Variants in ZAN observed in about 807,000 individuals in gnomAD.
ZAN encodes the protein zonadhesin.
In ZAN, 260 loss-of-function variants were observed where a neutral mutation model predicts 286.2. That is an observed-to-expected ratio of 0.91 (90% confidence interval 0.82 to 1.01). The LOEUF (loss-of-function observed/expected upper bound fraction) is 1.01. Among genes scored for constraint, ZAN ranks in the 50% least tolerant of loss-of-function variants. The pLI, the probability that ZAN is intolerant of heterozygous loss-of-function variation, is 0.00. For synonymous variants in ZAN, 1,368 were observed against 1,417.5 expected, an observed-to-expected ratio of 0.97 and a Z score of 0.79; for missense variants, 3,410 against 3,639.2, an observed-to-expected ratio of 0.94 and a Z score of 1.62.
At position 100,793,908 on chromosome 7, in the gene ZAN, C is replaced by T. The variant is rs1273049166; in HGVS notation, c.7876C>T (p.Arg2626Ter). Residue 2626 changes from arginine to a stop codon, truncating the protein, a stop_gained, in exon 43 of 48, where the codon CGA becomes TGA. Transcript: ENST00000613979. LOFTEE classifies it high-confidence loss of function. ...LCQPGRPRGL[R>*]GPLRGRLRQH... ...CCAACCTGGCAGACCCCGGGGACTG[C>T]GAGGGCCCCTGCGTGGAAGGCTGCG... 4.3e-6 allele frequency: 7 copies of T among 1,613,944 alleles called. No individual in the cohort carries two copies. Among genetic ancestry groups the T allele is most frequent in the Admixed American group, 1.7e-5 (1 of 60,002 alleles).
Position 100,738,774 on chromosome 7 carries a change from C to T in ZAN, c.766+161C>T, listed in dbSNP as rs1421107069. Among the ~76,000 whole-genome samples the T allele has an allele frequency of 5.1e-5, 7 of 138,228 alleles. 2 individuals are homozygous for T. The highest frequency in any genetic ancestry group is 5.1e-4 in the Admixed American group (7 of 13,856). The allele number at this position is 138,228 out of a possible 152,430, so 90.7% of individuals were successfully genotyped here. A position where few individuals can be genotyped will look rare whatever the true frequency, so the allele number is the denominator to read the frequency against. On this transcript the variant is annotated intron_variant, in intron 7 of 47. Coordinates refer to ENST00000613979, the MANE Select transcript of ZAN (RefSeq NM_003386.3). ...TTTCAAGCACCCAGCCAGCCTCCCC[C>T]ACCACCGCCCTACAAGCTCTACCTG...
At position 100,797,781 on chromosome 7, in the gene ZAN, T is replaced by C. The variant is rs75436413; in HGVS notation, c.*49T>C. On this transcript the variant is annotated 3_prime_UTR_variant, in exon 48 of 48. Coordinates refer to ENST00000613979, the MANE Select transcript of ZAN (RefSeq NM_003386.3). ...CAGACAAGAAGATTAAATAAATTTATATATTTATTTATTTGAGACAGGGTC... is the reference window on the plus strand; with the variant it reads ...CAGACAAGAAGATTAAATAAATTTACATATTTATTTATTTGAGACAGGGTC... The C allele has an allele frequency of 1.8e-3, 2,864 of 1,583,596 alleles. 56 individuals carry two copies. The African/African-American group carries it at 0.033, about 18-fold the overall frequency.
At position 100,752,627 on chromosome 7, in the gene ZAN, A is replaced by G; in HGVS notation, c.2522A>G (p.Glu841Gly). The G allele has an allele frequency of 1.2e-6, 2 of 1,611,854 alleles. No homozygotes were observed. The change falls in exon 14 of 48, where the codon GAA becomes GGA. Residue 841 changes from glutamate (E) to glycine (G), a missense_variant. Around this residue, in one of 7 missense-constraint regions of ZAN, gnomAD observed 90 missense variants for 87.1 expected, o/e 1.03. Transcript: ENST00000613979. Reference sequence around the variant, plus strand: ...GTTGAAGAGACTACCATCTCTACAGAAAAACTCACCATCCCCATGGAAAAA... The same window carrying G: ...GTTGAAGAGACTACCATCTCTACAGGAAAACTCACCATCCCCATGGAAAAA... ...TSVEETTIST[E>G]KLTIPMEKPT...
Position 100,748,199 on chromosome 7 carries a change from C to G in ZAN, c.1086C>G (p.Ser362Arg). ...PEPAVAVDATSIAPCGEGFPQ... is the reference protein window; with the variant it reads ...PEPAVAVDATRIAPCGEGFPQ... ...CAGCTGTGGCAGTTGATGCAACCAG[C>G]ATTGCTCCTTGTGGGGGTGAGAGCA... Residue 362 changes from serine (S) to arginine (R), a missense_variant, in exon 10 of 48, where the codon AGC (serine) becomes AGG (arginine). Coordinates refer to ENST00000613979, the MANE Select transcript of ZAN (RefSeq NM_003386.3). 6.2e-7 allele frequency: 1 copy of G among 1,613,868 alleles called. No homozygotes were observed. Among genetic ancestry groups the G allele is most frequent in the Non-Finnish European group, 8.5e-7 (1 of 1,179,874 alleles).
chr7:100,758,558 G>A lies in ZAN; in HGVS notation c.3479G>A (p.Gly1160Glu), dbSNP rs1441800391. The change falls in exon 17 of 48, where the codon GGA (glycine) becomes GAA (glutamate). Residue 1160 changes from glycine (G) to glutamate (E), a missense_variant. Around this residue, in one of 7 missense-constraint regions of ZAN, gnomAD observed 1,042 missense variants for 1,058.0 expected, o/e 0.98. Transcript: ENST00000613979. ...GGCACTGCCACCTGCTTGGTCTACG[G>A]AGACCCTCATTATGTCACCTTTGAC... ...YAGTATCLVY[G>E]DPHYVTFDGR... 6.4e-7 allele frequency: 1 copy of A among 1,563,946 alleles called. No homozygotes were observed. Among genetic ancestry groups the A allele is most frequent in the Non-Finnish European group, 8.7e-7 (1 of 1,154,102 alleles).
In ZAN at chr7:100,775,692, C is replaced by T. The variant is rs775524794; in HGVS notation, c.6051C>T (p.Leu2017=). Residue 2017 remains leucine, a synonymous_variant, in exon 33 of 48, where the codon CTC becomes CTT. Coordinates refer to ENST00000613979, the MANE Select transcript of ZAN (RefSeq NM_003386.3). ...RVLINSKQVT[L]PAISQIPGVS... is the part of the protein sequence containing the mutation. ...AGATCAACAGCAAACAGGTCACCCTCCCCGCCATCTCCCAGATCCCTGGGG... is the reference window on the plus strand; with the variant it reads ...AGATCAACAGCAAACAGGTCACCCTTCCCGCCATCTCCCAGATCCCTGGGG... 12 of 1,613,830 alleles carry T rather than the reference C, an allele frequency of 7.4e-6. No homozygotes were observed. In the South Asian group the frequency reaches 7.7e-5, roughly 10 times the overall value.
chr7:100,766,932 C>T (rs1237162260), intron 24 of ZAN, 78 bp from the exon 25 acceptor site: 4 of 1,583,316 alleles, frequency 2.5e-6, no homozygotes, highest in Non-Finnish European at 2.6e-6. Context: ...AATGTGGGCT[C>T]TCCAGGATGG....
chr7:100,772,774 TCA>T (rs1192332344), intron 29 of ZAN, among the ~76,000 whole-genome samples: 2 of 150,378 alleles, frequency 1.3e-5, no homozygotes, highest in Non-Finnish European at 2.9e-5. Flanking sequence ...TGACCCAAGA[TCA>T]TGCCACTGCA....
rs114969842 is a variant in ZAN, at chr7:100,767,635, C to T, written c.4861-196C>T. On this transcript the variant is annotated intron_variant, in intron 25 of 47. Coordinates refer to ENST00000613979, the MANE Select transcript of ZAN (RefSeq NM_003386.3). The stretch of plus-strand genomic sequence containing the variant: ...CAACTATAGGCATGCACCACCTGCA[C>T]GGCTAATTTTTTTTTTCACTTTTTG... Among the ~76,000 whole-genome samples, 784 of 151,058 alleles carry T rather than the reference C, an allele frequency of 5.2e-3. 7 individuals are homozygous for T. The highest frequency in any genetic ancestry group is 0.018 in the African/African-American group (732 of 41,302).
chr7:100,759,926 C>T, intron 18 of ZAN, 81 bp downstream of exon 18: 1 of 1,515,806 alleles, frequency 6.6e-7, no homozygotes, highest in Non-Finnish European at 8.8e-7. Context: ...TGAACCTTTC[C>T]ACGGATGGGG....
In ZAN at chr7:100,775,698, C is replaced by G. The variant is rs1810727431; in HGVS notation, c.6057C>G (p.Ala2019=). 2 of 1,613,838 alleles carry G rather than the reference C, an allele frequency of 1.2e-6. No homozygotes were observed. The highest frequency in any genetic ancestry group is 1.3e-5 in the African/African-American group (1 of 74,926). The part of the protein sequence containing the change: ...LINSKQVTLP[A]ISQIPGVSVK... Reference sequence around the variant, plus strand: ...ACAGCAAACAGGTCACCCTCCCCGCCATCTCCCAGATCCCTGGGGTCAGTG... The same window carrying G: ...ACAGCAAACAGGTCACCCTCCCCGCGATCTCCCAGATCCCTGGGGTCAGTG... The change falls in exon 33 of 48, where the codon GCC becomes GCG. Residue 2019 remains alanine, a synonymous_variant. Coordinates refer to ENST00000613979, the MANE Select transcript of ZAN (RefSeq NM_003386.3).
At position 100,795,270 on chromosome 7, in the gene ZAN, TG is replaced by T. The variant is rs757293212; in HGVS notation, c.8201del (p.Cys2734LeufsTer44). 18 of 1,611,342 alleles carry T rather than the reference TG, an allele frequency of 1.1e-5. No individual in the cohort carries two copies. The Admixed American group carries it at 3.0e-4, about 27-fold the overall frequency. On this transcript the variant is annotated frameshift_variant, in exon 45 of 48. Transcript: ENST00000613979. LOFTEE classifies it high-confidence loss of function. ...REQGATFTCE[C>X]EVGYGGGLCM... ...GCAGGGAGCCACCTTCACCTGCGAGTGTGAAGTTGGTTACGGGGGAGGCCTG... is the reference window on the plus strand; with the variant it reads ...GCAGGGAGCCACCTTCACCTGCGAGTTGAAGTTGGTTACGGGGGAGGCCTG...
chr7:100,757,318 C>T lies in ZAN; in HGVS notation c.3310-884C>T, dbSNP rs1256738708. 2.0e-5 allele frequency among the ~76,000 whole-genome samples: 3 copies of T among 152,138 alleles called. No homozygotes were observed. The East Asian group carries it at 5.8e-4, about 29-fold the overall frequency. On this transcript the variant is annotated intron_variant, in intron 15 of 47. Coordinates refer to ENST00000613979, the MANE Select transcript of ZAN (RefSeq NM_003386.3). The stretch of plus-strand genomic sequence containing the variant: ...CTTAGTACTTTCTACTCTGCTGGCA[C>T]TGGGGTCGCCACGAATAGGCTGTGG...
At chr7:100,760,700 G>GA (rs1427363331) in intron 19 of ZAN, among the ~76,000 whole-genome samples, 164 bp downstream of exon 19, 1 of 152,156 alleles carries the variant, frequency 6.6e-6, no homozygotes, top group African/African-American at 2.4e-5. Flanking sequence ...AAGTGGCAGG[G>GA]ATCCCTTTGG....
Position 100,748,319 on chromosome 7 carries a change from C to T in ZAN, c.1103-5C>T, listed in dbSNP as rs770344044. 18 of 1,613,902 alleles carry T rather than the reference C, an allele frequency of 1.1e-5. No homozygotes were observed. In the Middle Eastern group the frequency reaches 1.3e-3, roughly 118 times the overall value. On this transcript the variant is annotated splice_region_variant and splice_polypyrimidine_tract_variant and intron_variant, in intron 10 of 47. Coordinates refer to ENST00000613979, the MANE Select transcript of ZAN (RefSeq NM_003386.3). ...TTGCTCAAATATCCTATTTTGATCC[C>T]CCAGAGGGTTTTCCTCAGTGTGACT... is the stretch of plus-strand genomic sequence containing the variant.
chr7:100,738,879 C>T (rs4729608), intron 7 of ZAN, among the ~76,000 whole-genome samples: 29,914 of 41,944 alleles, frequency 0.71, 10,132 homozygotes, highest in East Asian at 0.83. Flanking sequence ...CTTCTTCTCC[C>T]TCTCCCTCTC....
In ZAN at chr7:100,735,596, C is replaced by T. The variant is rs377097841; in HGVS notation, c.54-124C>T. ...AAAAAAGAAAAAAAGTCAAGTCAGA[C>T]ACATTCACTGCATAAACACTGATCA... On this transcript the variant is annotated intron_variant, in intron 2 of 47. Coordinates refer to ENST00000613979, the MANE Select transcript of ZAN (RefSeq NM_003386.3). 3.0e-5 allele frequency: 21 copies of T among 697,128 alleles called. No homozygotes were observed. The East Asian group carries it at 3.2e-4, about 11-fold the overall frequency. The allele number at this position is 697,128 out of a possible 1,614,324, so 43.2% of individuals were successfully genotyped here. A position where few individuals can be genotyped will look rare whatever the true frequency, so the allele number is the denominator to read the frequency against.
rs568284178 is a variant in ZAN at position 100,773,724 on chromosome 7, G to A, written c.5638G>A (p.Gly1880Arg). Residue 1880 changes from glycine to arginine, a missense_variant, in exon 31 of 48, where the codon GGG (glycine) becomes AGG (arginine). Around this residue, in one of 7 missense-constraint regions of ZAN, gnomAD observed 1,289 missense variants for 1,314.3 expected, o/e 0.98. Transcript: ENST00000613979. ...AGCTGATCCCTGTGGCCCACAGGTC[G>A]GGGAGCGCTGGTACACAGAGAACAC... ...TDPAGSYHPV[G>R]ERWYTENTCT... 6.8e-5 allele frequency: 109 copies of A among 1,608,406 alleles called. No individual in the cohort carries two copies. Among genetic ancestry groups the A allele is most frequent in the Middle Eastern group, 3.3e-4 (2 of 6,052 alleles).
intron 36 of ZAN, among the ~76,000 whole-genome samples, chr7:100,785,659 C>CT (rs530251109): frequency 1.0e-3 from 146 of 143,192 alleles, no homozygotes; most frequent in East Asian, 1.0e-3. Flanking sequence ...CCTCTTCACT[C>CT]TTTTTTTTTT....
Sources: allele counts gnomAD v4.1 joint callset (sites outside exome capture counted in the v4.1 genomes callset), GRCh38; gene constraint gnomAD v4.1.1; regional missense constraint gnomAD v4.1.1; transcripts MANE v1.5; gene names NCBI Gene and HGNC (gene_info 2026-07-23, HGNC 2026-07-21).